The following IGSF21 variants were observed in gnomAD, a reference collection of about 807,000 sequenced individuals.
IGSF21 encodes immunoglobulin superfamily member 21.
IGSF21 carries 28 observed loss-of-function variants against 46.8 expected under a neutral mutation model. The ratio of observed to expected loss-of-function variants is 0.60; its 90% CI spans 0.44 to 0.82. The LOEUF is 0.82. Ranked by LOEUF, IGSF21 falls within the 40% of genes least tolerant of loss-of-function variation. IGSF21 has a pLI of 0.00. For missense variants in IGSF21, 624 were observed against 665.5 expected, an observed-to-expected ratio of 0.94 and a Z score of 0.69; for synonymous variants, 284 against 273.6, an observed-to-expected ratio of 1.04 and a Z score of -0.38.
At chr1:18,355,062 A>G (rs146054363) in intron 4 of IGSF21, among the ~76,000 whole-genome samples, 467 of 152,368 alleles carry the variant, frequency 3.1e-3, no homozygotes, top group South Asian at 6.2e-3. Context: ...TGATTTGCCC[A>G]AAGTTCTATG....
intron 2 of IGSF21, among the ~76,000 whole-genome samples, chr1:18,241,869 C>T (rs1362667591): frequency 2.6e-5 from 4 of 152,190 alleles, no homozygotes; most frequent in East Asian, 1.9e-4. Context: ...GACCCCAAGT[C>T]TTGCATATGG....
At chr1:18,116,891 G>A (rs902408188) in intron 1 of IGSF21, among the ~76,000 whole-genome samples, 19 of 152,226 alleles carry the variant, frequency 1.2e-4, no homozygotes, top group African/African-American at 4.6e-4. Flanking sequence ...GGGGAAGAGA[G>A]GGGAATGCCA....
At chr1:18,214,852 C>A (rs996545965) in intron 1 of IGSF21, among the ~76,000 whole-genome samples, 1 of 152,194 alleles carries the variant, frequency 6.6e-6, no homozygotes, top group African/African-American at 2.4e-5. Context: ...AAGCAATTCT[C>A]CTGCCTAGCC....
chr1:18,195,936 G>A (rs2087002671), intron 1 of IGSF21, among the ~76,000 whole-genome samples: 1 of 152,342 alleles, frequency 6.6e-6, no homozygotes, highest in Middle Eastern at 3.4e-3. Context: ...CCCGGAAGAG[G>A]CAGCAGCCAG....
intron 1 of IGSF21, among the ~76,000 whole-genome samples, chr1:18,122,395 T>A (rs2086242829): frequency 6.6e-6 from 1 of 151,834 alleles, no homozygotes; most frequent in East Asian, 1.9e-4. Context: ...TTTGCCATGT[T>A]GGCCAGGCTG....
Position 18,328,730 on chromosome 1 carries a change from G to C in IGSF21, c.306-6162G>C, listed in dbSNP as rs182799130. Among the ~76,000 whole-genome samples, 15 of 152,266 alleles carry C rather than the reference G, an allele frequency of 9.9e-5. No homozygotes were observed. The East Asian group carries it at 2.7e-3, about 27-fold the overall frequency. The stretch of plus-strand genomic sequence containing the variant: ...GCAAAAGTCAAATATTGGATCACTT[G>C]GTTCTTCAACAGCACAGGAAAAGCA... On this transcript the variant is annotated intron_variant, in intron 3 of 9. Coordinates refer to ENST00000251296, the MANE Select transcript of IGSF21 (RefSeq NM_032880.5).
chr1:18,249,728 A>T (rs1471921555), intron 2 of IGSF21, among the ~76,000 whole-genome samples: 1 of 152,210 alleles, frequency 6.6e-6, no homozygotes, highest in East Asian at 1.9e-4. Flanking sequence ...ACCTGCCAAC[A>T]GTTGCTCTGA....
At chr1:18,274,402 G>A (rs1479827422) in intron 2 of IGSF21, among the ~76,000 whole-genome samples, 8 of 152,234 alleles carry the variant, frequency 5.3e-5, no homozygotes, top group African/African-American at 7.2e-5. Flanking sequence ...GACCTGAGTC[G>A]CAAAGAATGA....
chr1:18,258,635 G>A (rs752563444), intron 2 of IGSF21, among the ~76,000 whole-genome samples: 7 of 152,222 alleles, frequency 4.6e-5, no homozygotes, highest in African/African-American at 1.4e-4. Context: ...GCATGATACA[G>A]TGAAGAGCTC....
chr1:18,144,432 G>C (rs1158683100), intron 1 of IGSF21, among the ~76,000 whole-genome samples: 2 of 152,184 alleles, frequency 1.3e-5, no homozygotes, highest in Admixed American at 6.5e-5. Context: ...CAAGCTGCCT[G>C]TGCCTGAAGC....
At chr1:18,369,514 A>C (rs1482391509) in intron 6 of IGSF21, among the ~76,000 whole-genome samples, 1 of 152,160 alleles carries the variant, frequency 6.6e-6, no homozygotes, top group Non-Finnish European at 1.5e-5. Context: ...TCTACAGCCC[A>C]CCTGTCAGGG....
Position 18,278,914 on chromosome 1 carries a change from G to T in IGSF21, c.184-12952G>T, listed in dbSNP as rs775240131. The T allele has an allele frequency of 6.4e-6, 3 of 471,582 alleles. No individual in the cohort carries two copies. The Admixed American group carries it at 7.1e-5, about 11-fold the overall frequency. 29.2% of individuals were successfully genotyped at this position (471,582 alleles called of 1,614,324 possible). A position where few individuals can be genotyped will look rare whatever the true frequency, so the allele number is the denominator to read the frequency against. On this transcript the variant is annotated intron_variant, in intron 2 of 9. Transcript: ENST00000251296. ...TGGGTATATGGGTGTTTGCCTTAAA[G>T]ATTTTTACACTTTCCTGCATGTTGG... is the stretch of plus-strand genomic sequence containing the variant.
At chr1:18,339,725 A>G (rs6603894) in intron 4 of IGSF21, among the ~76,000 whole-genome samples, 52,676 of 152,122 alleles carry the variant, frequency 0.35, 10,123 homozygotes, top group East Asian at 0.47. Flanking sequence ...CCTGTCTCCA[A>G]AAATGAAACA....
chr1:18,211,647 G>A (rs901450323), intron 1 of IGSF21, among the ~76,000 whole-genome samples: 6 of 152,100 alleles, frequency 3.9e-5, no homozygotes, highest in African/African-American at 1.4e-4. Context: ...TTTAATGTAG[G>A]CCTATTTTAA....
intron 1 of IGSF21, among the ~76,000 whole-genome samples, chr1:18,124,727 T>G (rs1156692348): frequency 6.6e-6 from 1 of 152,186 alleles, no homozygotes; most frequent in Admixed American, 6.5e-5. Context: ...TCGTTATTAT[T>G]ATTACTTCTT....
intron 1 of IGSF21, among the ~76,000 whole-genome samples, chr1:18,133,946 T>G (rs2086345755): frequency 6.6e-6 from 1 of 152,246 alleles, no homozygotes; most frequent in Non-Finnish European, 1.5e-5. Flanking sequence ...ATATTTACTT[T>G]GCAGGGGAGA....
At position 18,108,102 on chromosome 1, in the gene IGSF21, C is replaced by A; in HGVS notation, c.-27C>A. On this transcript the variant is annotated 5_prime_UTR_variant, in exon 1 of 10. Coordinates refer to ENST00000251296, the MANE Select transcript of IGSF21 (RefSeq NM_032880.5). Reference sequence around the variant, plus strand: ...GCCACCGCCTCCACCCCCGCCGCCCCGCCACCGCCGCCAGCTCCCGGGCAC... The same window carrying A: ...GCCACCGCCTCCACCCCCGCCGCCCAGCCACCGCCGCCAGCTCCCGGGCAC... 8.2e-7 allele frequency: 1 copy of A among 1,217,452 alleles called. No individual in the cohort carries two copies. The highest frequency in any genetic ancestry group is 1.1e-6 in the Non-Finnish European group (1 of 917,432). The allele number at this position is 1,217,452 out of a possible 1,614,324, so 75.4% of individuals were successfully genotyped here.
chr1:18,336,986 C>T (rs1251502442), intron 4 of IGSF21, among the ~76,000 whole-genome samples: 1 of 152,140 alleles, frequency 6.6e-6, no homozygotes. Context: ...CAGGAAAGAC[C>T]GACCCCTATG....
chr1:18,236,271 G>A (rs2084671849), intron 2 of IGSF21, among the ~76,000 whole-genome samples: 1 of 152,178 alleles, frequency 6.6e-6, no homozygotes, highest in Admixed American at 6.5e-5. Flanking sequence ...TTTTATAAAT[G>A]GGAGTTCCCC....
Sources: allele counts gnomAD v4.1 joint callset (sites outside exome capture counted in the v4.1 genomes callset), GRCh38; gene constraint gnomAD v4.1.1; transcripts MANE v1.5; gene names NCBI Gene and HGNC (gene_info 2026-07-23, HGNC 2026-07-21).